Variants in RERG observed in about 807,000 individuals in gnomAD.
RERG encodes ras-related and estrogen-regulated growth inhibitor.
RERG carries 25 observed loss-of-function variants against 23.2 expected under a neutral mutation model. The ratio of observed to expected loss-of-function variants is 1.08; its 90% CI spans 0.79 to 1.50. The LOEUF (loss-of-function observed/expected upper bound fraction) is 1.50. Among genes scored for constraint, RERG ranks in the 40% most tolerant of loss-of-function variants. The probability of loss-of-function intolerance (pLI) is 0.00; values close to 1 mark genes in which losing one functional copy is unlikely to be tolerated. For missense variants in RERG, 253 were observed against 250.1 expected, an observed-to-expected ratio of 1.01 and a Z score of -0.08; for synonymous variants, 81 against 89.1, an observed-to-expected ratio of 0.91 and a Z score of 0.51.
At chr12:15,207,672 C>A (rs572595049) in intron 2 of RERG, among the ~76,000 whole-genome samples, 1 of 151,922 alleles carries the variant, frequency 6.6e-6, no homozygotes, top group Non-Finnish European at 1.5e-5. Context: ...CATTGTAGAG[C>A]GAAAGAGAGA....
chr12:15,196,937 A>G (rs74928054), intron 2 of RERG, among the ~76,000 whole-genome samples: 2,609 of 152,274 alleles, frequency 0.017, 95 homozygotes, highest in African/African-American at 0.06. Flanking sequence ...CCTAATTGTT[A>G]GTATCTCATG....
At chr12:15,134,484 C>T (rs768475969) in intron 2 of RERG, among the ~76,000 whole-genome samples, 20 of 151,976 alleles carry the variant, frequency 1.3e-4, no homozygotes, top group East Asian at 1.9e-4. Context: ...ATTTTTTCAC[C>T]GATATTATAC....
chr12:15,191,133 G>A (rs974150546), intron 2 of RERG, among the ~76,000 whole-genome samples: 2 of 152,074 alleles, frequency 1.3e-5, no homozygotes, highest in Non-Finnish European at 2.9e-5. Context: ...GAGAGGACAG[G>A]ACTCATTAGG....
chr12:15,199,088 T>C (rs945642181), intron 2 of RERG, among the ~76,000 whole-genome samples: 1 of 152,144 alleles, frequency 6.6e-6, no homozygotes, highest in Admixed American at 6.6e-5. Flanking sequence ...CTGTTTCACA[T>C]GCAAAATATA....
chr12:15,147,067 C>CAAAAAAAAAAAAAAA (rs544852513), intron 2 of RERG, among the ~76,000 whole-genome samples: 1 of 105,610 alleles, frequency 9.5e-6, no homozygotes. Flanking sequence ...TCAGTGAAGC[C>CAAAAAAAAAAAAAAA]AAAAAAAAAA....
At chr12:15,131,686 G>T (rs1220720178) in intron 2 of RERG, among the ~76,000 whole-genome samples, 4 of 152,094 alleles carry the variant, frequency 2.6e-5, no homozygotes, top group Non-Finnish European at 5.9e-5. Context: ...CTCGCTGGAT[G>T]ACCTCCTTAT....
intron 2 of RERG, among the ~76,000 whole-genome samples, chr12:15,179,191 C>G (rs1332663176): frequency 6.6e-6 from 1 of 152,152 alleles, no homozygotes; most frequent in Non-Finnish European, 1.5e-5. Flanking sequence ...TACTTCTCAG[C>G]TATCTGAGGA....
intron 2 of RERG, among the ~76,000 whole-genome samples, chr12:15,208,554 A>G (rs939559539): frequency 6.6e-6 from 1 of 152,162 alleles, no homozygotes; most frequent in African/African-American, 2.4e-5. Flanking sequence ...CTAGAGGTAT[A>G]ATGAACAGAA....
At chr12:15,122,799 TG>T (rs1863857019) in intron 2 of RERG, among the ~76,000 whole-genome samples, 2 of 150,646 alleles carry the variant, frequency 1.3e-5, no homozygotes, top group Non-Finnish European at 1.5e-5. Flanking sequence ...TTTTTTTTTT[TG>T]TTTTTTGTTT....
At chr12:15,173,651 C>A (rs1419528197) in intron 2 of RERG, among the ~76,000 whole-genome samples, 2 of 151,802 alleles carry the variant, frequency 1.3e-5, no homozygotes, top group Non-Finnish European at 2.9e-5. Context: ...TTTAAAATTT[C>A]TTTCAGTAAT....
At chr12:15,212,206 C>T (rs1311097011) in intron 2 of RERG, among the ~76,000 whole-genome samples, 4 of 149,160 alleles carry the variant, frequency 2.7e-5, no homozygotes, top group African/African-American at 9.8e-5. Context: ...ACTACAGGCG[C>T]CCGCCACCGC....
chr12:15,209,301 G>A (rs1398712874), intron 2 of RERG, among the ~76,000 whole-genome samples: 1 of 152,102 alleles, frequency 6.6e-6, no homozygotes, highest in Admixed American at 6.6e-5. Flanking sequence ...TGTCCTACCT[G>A]CATTCTGTAA....
intron 2 of RERG, among the ~76,000 whole-genome samples, chr12:15,214,918 T>C (rs1011352256): frequency 6.6e-6 from 1 of 151,966 alleles, no homozygotes; most frequent in African/African-American, 2.4e-5. Flanking sequence ...GGTTTCACAA[T>C]TTTCACCCAT....
intron 2 of RERG, among the ~76,000 whole-genome samples, chr12:15,160,422 C>T (rs1864587426): frequency 6.6e-6 from 1 of 151,974 alleles, no homozygotes; most frequent in Non-Finnish European, 1.5e-5. Context: ...AAGGGCTTTT[C>T]AAAACTTTTG....
intron 2 of RERG, among the ~76,000 whole-genome samples, chr12:15,193,075 C>T (rs1459380494): frequency 5.3e-5 from 8 of 151,924 alleles, no homozygotes; most frequent in Admixed American, 5.2e-4. Flanking sequence ...ATGCAAATAT[C>T]CTGTTTCTGC....
intron 2 of RERG, among the ~76,000 whole-genome samples, chr12:15,205,067 T>G (rs974247434): frequency 6.6e-6 from 1 of 151,934 alleles, no homozygotes; most frequent in Non-Finnish European, 1.5e-5. Flanking sequence ...TCTCTATTAT[T>G]TTTGCAACTC....
At chr12:15,196,498 C>T (rs1477350178) in intron 2 of RERG, among the ~76,000 whole-genome samples, 2 of 152,148 alleles carry the variant, frequency 1.3e-5, no homozygotes, top group Non-Finnish European at 2.9e-5. Context: ...TATTAACAAC[C>T]GTGTTCAACG....
intron 2 of RERG, among the ~76,000 whole-genome samples, chr12:15,151,539 G>A (rs1043667867): frequency 4.6e-5 from 7 of 152,196 alleles, no homozygotes. Context: ...GATTGTAGAT[G>A]TAGATATTCA....
chr12:15,144,011 C>G (rs1030708772), intron 2 of RERG, among the ~76,000 whole-genome samples: 4 of 151,870 alleles, frequency 2.6e-5, no homozygotes, highest in Non-Finnish European at 5.9e-5. Flanking sequence ...ACCAGTGTGG[C>G]TGGAATGGAG....
Sources: gnomAD v4.1 joint callset for allele counts (sites outside exome capture counted in the v4.1 genomes callset) on GRCh38, gnomAD v4.1.1 for gene constraint, MANE v1.5 for transcripts, NCBI Gene and HGNC (gene_info 2026-07-23, HGNC 2026-07-21) for gene names.